Variants in HS6ST3 observed in about 807,000 individuals in gnomAD.
HS6ST3 encodes the protein heparan-sulfate 6-O-sulfotransferase 3.
Under a neutral mutation model 36.7 loss-of-function variants are expected in HS6ST3, and 12 were observed. The observed-to-expected ratio is 0.33, with a 90% CI of 0.21 to 0.53. The LOEUF is 0.53. Ranked by LOEUF, HS6ST3 falls within the 20% of genes least tolerant of loss-of-function variation. HS6ST3 has a pLI of 0.95. For synonymous variants in HS6ST3, 240 were observed against 257.5 expected, an observed-to-expected ratio of 0.93 and a Z score of 0.65; for missense variants, 584 against 640.9, an observed-to-expected ratio of 0.91 and a Z score of 0.96.
intron 1 of HS6ST3, among the ~76,000 whole-genome samples, chr13:96,465,482 G>C (rs777424807): frequency 1.3e-4 from 20 of 152,180 alleles, no homozygotes; most frequent in Non-Finnish European, 2.9e-4. Flanking sequence ...AAAGAAGCAA[G>C]CCTCCAGTTG....
intron 1 of HS6ST3, among the ~76,000 whole-genome samples, chr13:96,567,792 C>A (rs1215111641): frequency 6.6e-5 from 10 of 152,212 alleles, no homozygotes; most frequent in African/African-American, 2.4e-4. Context: ...AATATACCAA[C>A]AGAAAAATGA....
At chr13:96,636,655 A>G (rs1375515944) in intron 1 of HS6ST3, among the ~76,000 whole-genome samples, 2 of 152,160 alleles carry the variant, frequency 1.3e-5, no homozygotes, top group African/African-American at 4.8e-5. Flanking sequence ...GAAGCTTGAC[A>G]TATTTTTCCA....
chr13:96,127,429 A>T (rs1022274921), intron 1 of HS6ST3, among the ~76,000 whole-genome samples: 1 of 152,200 alleles, frequency 6.6e-6, no homozygotes, highest in African/African-American at 2.4e-5. Context: ...TTGTGCTCCT[A>T]TGAGAATCTA....
chr13:96,091,157 C>G lies in HS6ST3; in HGVS notation c.295C>G (p.Arg99Gly), dbSNP rs756546564. 1.3e-6 allele frequency: 2 copies of G among 1,539,814 alleles called. No homozygotes were observed. Among genetic ancestry groups the G allele is most frequent in the South Asian group, 2.4e-5 (2 of 82,824 alleles). The change falls in exon 1 of 2, where the codon CGG (arginine) becomes GGG (glycine). Residue 99 changes from arginine (R) to glycine (G), a missense_variant. This residue lies in a region of HS6ST3 where 217 missense variants were observed against 205.4 expected (regional missense o/e 1.06). Transcript: ENST00000376705. ...EEEDEEPGDP[R>G]EGEEEEEEDE... The stretch of plus-strand genomic sequence containing the variant: ...GGAGGACGAGGAGCCCGGAGACCCC[C>G]GGGAGGGGGAGGAAGAGGAGGAGGA...
At chr13:96,407,513 G>T (rs2055484676) in intron 1 of HS6ST3, among the ~76,000 whole-genome samples, 1 of 152,164 alleles carries the variant, frequency 6.6e-6, no homozygotes, top group Non-Finnish European at 1.5e-5. Context: ...CACATATTAG[G>T]GGCTCAATAG....
intron 1 of HS6ST3, among the ~76,000 whole-genome samples, chr13:96,162,261 A>G (rs1403791628): frequency 1.3e-5 from 2 of 152,234 alleles, no homozygotes; most frequent in African/African-American, 4.8e-5. Context: ...AAAGAGCAGA[A>G]GGTGAAAAAG....
chr13:96,696,389 A>G (rs1875128824), intron 1 of HS6ST3, among the ~76,000 whole-genome samples: 1 of 152,236 alleles, frequency 6.6e-6, no homozygotes, highest in Non-Finnish European at 1.5e-5. Flanking sequence ...CTGCTAAATT[A>G]GTATTGATTG....
chr13:96,444,740 C>T (rs1331175406), intron 1 of HS6ST3, among the ~76,000 whole-genome samples: 1 of 152,062 alleles, frequency 6.6e-6, no homozygotes, highest in Non-Finnish European at 1.5e-5. Flanking sequence ...AATACAATTA[C>T]GTGGTATATA....
At chr13:96,133,843 GTTT>G (rs71113979) in intron 1 of HS6ST3, among the ~76,000 whole-genome samples, 213 of 142,134 alleles carry the variant, frequency 1.5e-3, no homozygotes, top group East Asian at 1.6e-3. Flanking sequence ...GAGCTTTTAT[GTTT>G]TTTTTTTTTT....
chr13:96,392,757 G>A (rs563119132), intron 1 of HS6ST3, among the ~76,000 whole-genome samples: 87 of 152,330 alleles, frequency 5.7e-4, no homozygotes, highest in African/African-American at 1.8e-3. Flanking sequence ...TAGGAGAAAG[G>A]CTGGAAGTAT....
chr13:96,629,405 T>G (rs1424419306), intron 1 of HS6ST3, among the ~76,000 whole-genome samples: 1 of 152,206 alleles, frequency 6.6e-6, no homozygotes, highest in African/African-American at 2.4e-5. Context: ...AAGCATATCC[T>G]TTAGAATTTC....
At chr13:96,524,705 G>A (rs1033133569) in intron 1 of HS6ST3, among the ~76,000 whole-genome samples, 1 of 152,218 alleles carries the variant, frequency 6.6e-6, no homozygotes, top group Non-Finnish European at 1.5e-5. Flanking sequence ...TGCAAAGACT[G>A]TGGGGAAAGT....
intron 1 of HS6ST3, among the ~76,000 whole-genome samples, chr13:96,105,407 T>C (rs1054260268): frequency 2.0e-5 from 3 of 152,150 alleles, no homozygotes; most frequent in Admixed American, 2.0e-4. Context: ...TCCCGGCACT[T>C]TGGGAGGCTG....
chr13:96,382,276 C>T (rs998095253), intron 1 of HS6ST3, among the ~76,000 whole-genome samples: 2 of 152,158 alleles, frequency 1.3e-5, no homozygotes, highest in Admixed American at 6.5e-5. Context: ...AGGTCTTATA[C>T]CATACTCTTT....
chr13:96,767,984 C>T (rs1421405418), intron 1 of HS6ST3, among the ~76,000 whole-genome samples: 1 of 152,192 alleles, frequency 6.6e-6, no homozygotes, highest in Non-Finnish European at 1.5e-5. Context: ...AGCCGTTATA[C>T]TTTTGCTCTC....
intron 1 of HS6ST3, among the ~76,000 whole-genome samples, chr13:96,322,396 A>C (rs1243179928): frequency 2.2e-5 from 3 of 137,910 alleles, no homozygotes; most frequent in African/African-American, 8.4e-5. Flanking sequence ...AAAAAAAAAA[A>C]AAAAACAAGC....
chr13:96,246,115 G>A (rs2054583926), intron 1 of HS6ST3, among the ~76,000 whole-genome samples: 1 of 152,104 alleles, frequency 6.6e-6, no homozygotes, highest in Admixed American at 6.5e-5. Context: ...ATGAGTGGCT[G>A]TTTTGTTGTG....
intron 1 of HS6ST3, among the ~76,000 whole-genome samples, chr13:96,335,230 G>A (rs755372290): frequency 6.6e-6 from 1 of 152,194 alleles, no homozygotes; most frequent in Non-Finnish European, 1.5e-5. Flanking sequence ...AGGTAGAAAC[G>A]ACATCCAATG....
chr13:96,445,460 A>G (rs2139482563), intron 1 of HS6ST3, among the ~76,000 whole-genome samples: 1 of 152,292 alleles, frequency 6.6e-6, no homozygotes, highest in Admixed American at 6.5e-5. Flanking sequence ...AAGAATAACT[A>G]AAGCCTATTA....
Sources: gnomAD v4.1 joint callset for allele counts (sites outside exome capture counted in the v4.1 genomes callset) on GRCh38, gnomAD v4.1.1 for gene constraint, gnomAD v4.1.1 regional missense constraint, MANE v1.5 for transcripts, NCBI Gene and HGNC (gene_info 2026-07-23, HGNC 2026-07-21) for gene names.